The following OTOGL variants were observed in gnomAD, a reference collection of about 807,000 sequenced individuals.
OTOGL encodes otogelin-like protein.
A neutral mutation model predicts 318.5 loss-of-function variants in OTOGL; 285 were observed. The ratio of observed to expected loss-of-function variants is 0.89; its 90% CI spans 0.81 to 0.99. The LOEUF (loss-of-function observed/expected upper bound fraction) is 0.99. Among genes scored for constraint, OTOGL ranks in the 50% least tolerant of loss-of-function variants. The pLI, the probability that OTOGL is intolerant of heterozygous loss-of-function variation, is 0.00. For missense variants in OTOGL, 2,899 were observed against 2,845.6 expected (o/e 1.02, Z -0.43); for synonymous variants, 987 against 936.5 (o/e 1.05, Z -0.99).
chr12:80,287,976 C>G (rs2137664757), intron 26 of OTOGL, among the ~76,000 whole-genome samples: 1 of 152,210 alleles, frequency 6.6e-6, no homozygotes, highest in Non-Finnish European at 1.5e-5. Flanking sequence ...TTAGTTGATG[C>G]AGTTTCTTCA....
rs368000272 is a variant in OTOGL, at chr12:80,279,029, G to A, written c.2791G>A (p.Val931Ile). 4.6e-5 allele frequency: 73 copies of A among 1,590,624 alleles called. No individual in the cohort carries two copies. The highest frequency in any genetic ancestry group is 2.9e-4 in the Admixed American group (17 of 59,464). Residue 931 changes from valine to isoleucine, a missense_variant and splice_region_variant, in exon 26 of 59, where the codon GTT (valine) becomes ATT (isoleucine). Physicochemically the swap from Val to Ile is conservative, Grantham distance 29 (BLOSUM62 3). This residue lies in a region of OTOGL where 2,607 missense variants were observed against 2,524.9 expected (regional missense o/e 1.03). Transcript: ENST00000547103. ...GTAACTTTTGTTATTTTTTAATAGC[G>A]TTTGTCGACGAGGAATGTTCAATTG... Reference protein sequence around the residue: ...EVIATPCYTCVCRRGMFNCTY... With the variant: ...EVIATPCYTCICRRGMFNCTY...
At chr12:80,258,060 A>C in intron 18 of OTOGL, 58 bp downstream of exon 18, 1 of 1,375,490 alleles carries the variant, frequency 7.3e-7, no homozygotes, top group Non-Finnish European at 9.5e-7. Flanking sequence ...AAAGGATATA[A>C]ATTCATTAAA....
At chr12:80,269,722 TA>T (rs1435904122) in intron 22 of OTOGL, among the ~76,000 whole-genome samples, 2 of 152,182 alleles carry the variant, frequency 1.3e-5, no homozygotes, top group African/African-American at 4.8e-5. Flanking sequence ...CAACAGATTT[TA>T]AAAACATTTT....
chr12:80,334,901 A>G (rs1888296693), intron 38 of OTOGL, among the ~76,000 whole-genome samples: 3 of 152,152 alleles, frequency 2.0e-5, no homozygotes, highest in African/African-American at 7.2e-5. Flanking sequence ...AGCAAGGTCA[A>G]TACCTGAGAA....
chr12:80,115,269 T>C (rs1870091109), intron 1 of OTOGL, among the ~76,000 whole-genome samples: 1 of 152,128 alleles, frequency 6.6e-6, no homozygotes. Flanking sequence ...GAACTTTGGA[T>C]GGAGTTTTTG....
intron 42 of OTOGL, among the ~76,000 whole-genome samples, chr12:80,337,994 A>G (rs1888517900): frequency 6.6e-6 from 1 of 152,000 alleles, no homozygotes; most frequent in Admixed American, 6.6e-5. Flanking sequence ...GGAAGGACTT[A>G]TTTTTGGCCC....
intron 26 of OTOGL, among the ~76,000 whole-genome samples, chr12:80,285,089 C>T (rs11830976): frequency 0.032 from 4,905 of 151,808 alleles, 265 homozygotes; most frequent in African/African-American, 0.11. Context: ...TTCAGTTTTC[C>T]GCATATGGTT....
rs1259447025 is a variant in OTOGL at position 80,379,366 on chromosome 12, A to G, written c.*1318A>G. 1.3e-5 allele frequency: 2 copies of G among 151,990 alleles called. No homozygotes were observed. Among genetic ancestry groups the G allele is most frequent in the Non-Finnish European group, 2.9e-5 (2 of 67,898 alleles). The allele number at this position is 151,990 out of a possible 1,614,324, so 9.4% of individuals were successfully genotyped here. On this transcript the variant is annotated 3_prime_UTR_variant, in exon 59 of 59. Transcript: ENST00000547103. ...ACTAGATTATCTGCTTTCATATACT[A>G]ATGTTTTCATTTCAAAATCATGTGT...
At chr12:80,350,453 A>C (rs4842281) in intron 44 of OTOGL, among the ~76,000 whole-genome samples, 8 of 152,308 alleles carry the variant, frequency 5.3e-5, no homozygotes, top group African/African-American at 1.9e-4. Flanking sequence ...ATAATATTAC[A>C]ATCTTTAATT....
Position 80,232,898 on chromosome 12 carries a change from A to T in OTOGL, c.618A>T (p.Thr206=). The T allele has an allele frequency of 6.3e-7, 1 of 1,596,550 alleles. No homozygotes were observed. The highest frequency in any genetic ancestry group is 8.5e-7 in the Non-Finnish European group (1 of 1,177,382). The stretch of plus-strand genomic sequence containing the variant: ...TTTTGTTCTGTTTTTCAAGTTTAAC[A>T]TTGCCTCAGACAATTGGACAGATTT... The part of the protein sequence containing the change: ...HEIKKNGISL[T]LPQTIGQIFI... Residue 206 remains threonine, a synonymous_variant, in exon 9 of 59, where the codon ACA becomes ACT. Transcript: ENST00000547103.
Position 80,156,538 on chromosome 12 carries a change from T to G in OTOGL, c.-19-52875T>G, listed in dbSNP as rs932769805. The stretch of plus-strand genomic sequence containing the variant: ...ATACAGGTCTCATCTTGAATTCCCA[T>G]GTGTTGTGGAAGGGACCCGGTGGGA... On this transcript the variant is annotated intron_variant, in intron 1 of 58. Transcript: ENST00000547103. Among the ~76,000 whole-genome samples the G allele has an allele frequency of 3.3e-5, 5 of 152,288 alleles. No individual in the cohort carries two copies. In the South Asian group the frequency reaches 1.0e-3, roughly 32 times the overall value.
chr12:80,126,733 G>T (rs1361023094), intron 1 of OTOGL, among the ~76,000 whole-genome samples: 1 of 152,156 alleles, frequency 6.6e-6, no homozygotes, highest in African/African-American at 2.4e-5. Flanking sequence ...CTTGTATTGG[G>T]TGCATATATA....
chr12:80,239,678 A>G (rs918789813), intron 11 of OTOGL, among the ~76,000 whole-genome samples: 1 of 152,134 alleles, frequency 6.6e-6, no homozygotes, highest in Admixed American at 6.5e-5. Flanking sequence ...ACATTCGTGT[A>G]ATCAAATAAA....
chr12:80,206,763 C>T (rs186570225), intron 1 of OTOGL, among the ~76,000 whole-genome samples: 3,474 of 151,766 alleles, frequency 0.023, 67 homozygotes, highest in Non-Finnish European at 0.034. Context: ...TGAAGTGCTC[C>T]CTCCCAAAGT....
Position 80,336,438 on chromosome 12 carries a change from G to A in OTOGL, c.4626G>A (p.Leu1542=), listed in dbSNP as rs200310049. The A allele has an allele frequency of 8.0e-5, 128 of 1,607,948 alleles. No individual in the cohort carries two copies. The highest frequency in any genetic ancestry group is 9.4e-5 in the Non-Finnish European group (111 of 1,177,152). Residue 1542 remains leucine, a synonymous_variant, in exon 40 of 59, where the codon CTG becomes CTA. Coordinates refer to ENST00000547103, the MANE Select transcript of OTOGL (RefSeq NM_001378609.3). ...CPCRCSMLSE[L]SIITFDGNNA... is the part of the protein sequence containing the mutation. Reference sequence around the variant, plus strand: ...GTCGGTGTTCCATGTTGTCAGAACTGAGCATTATTACATTTGATGGAAACA... The same window carrying A: ...GTCGGTGTTCCATGTTGTCAGAACTAAGCATTATTACATTTGATGGAAACA...
At position 80,219,859 on chromosome 12, in the gene OTOGL, C is replaced by T. The variant is rs1436585958; in HGVS notation, c.281C>T (p.Thr94Ile). Residue 94 changes from threonine to isoleucine, a missense_variant, in exon 6 of 59, where the codon ACT becomes ATT. By Grantham distance (89) the Thr-to-Ile change is moderately conservative (BLOSUM62 -1). This residue lies in a region of OTOGL where 2,607 missense variants were observed against 2,524.9 expected (regional missense o/e 1.03). Transcript: ENST00000547103. ...CTTAATGGAGCTTTCTGTTCTAAGA[C>T]TGGAACATGTGACTGTCAAATATTT... ...ECLNGAFCSK[T>I]GTCDCQIFQA... is the part of the protein sequence containing the mutation. 6 of 1,593,284 alleles carry T rather than the reference C, an allele frequency of 3.8e-6. No individual in the cohort carries two copies. The Admixed American group carries it at 5.0e-5, about 13-fold the overall frequency.
chr12:80,363,985 TC>T (rs1280008103), intron 52 of OTOGL, among the ~76,000 whole-genome samples: 1 of 152,064 alleles, frequency 6.6e-6, no homozygotes, highest in East Asian at 1.9e-4. Flanking sequence ...GTGTTTTCCC[TC>T]CCCAGCATTT....
At chr12:80,180,494 T>C (rs1056165701) in intron 1 of OTOGL, among the ~76,000 whole-genome samples, 1 of 152,236 alleles carries the variant, frequency 6.6e-6, no homozygotes, top group Non-Finnish European at 1.5e-5. Context: ...CAAAGGCCTC[T>C]GCAGTGAAGG....
chr12:80,273,414 T>C (rs1261677609), intron 24 of OTOGL, among the ~76,000 whole-genome samples: 1 of 152,016 alleles, frequency 6.6e-6, no homozygotes, highest in Non-Finnish European at 1.5e-5. Context: ...GAAATCACTG[T>C]GGATTGAAGA....
Sources: gnomAD v4.1 joint callset for allele counts (sites outside exome capture counted in the v4.1 genomes callset) on GRCh38, gnomAD v4.1.1 for gene constraint, gnomAD v4.1.1 regional missense constraint, MANE v1.5 for transcripts, NCBI Gene and HGNC (gene_info 2026-07-23, HGNC 2026-07-21) for gene names.